The following HEATR5B variants were observed in gnomAD, a reference collection of about 807,000 sequenced individuals.
HEATR5B encodes the protein HEAT repeat-containing protein 5B.
A neutral mutation model predicts 224.1 loss-of-function variants in HEATR5B; 156 were observed. The ratio of observed to expected loss-of-function variants is 0.70; its 90% CI spans 0.61 to 0.80. HEATR5B has a LOEUF of 0.80. Among genes scored for constraint, HEATR5B ranks in the 30% least tolerant of loss-of-function variants. HEATR5B has a pLI of 0.00. For synonymous variants in HEATR5B, 1,027 were observed against 893.0 expected, an observed-to-expected ratio of 1.15 and a Z score of -2.68; for missense variants, 2,323 against 2,535.5, an observed-to-expected ratio of 0.92 and a Z score of 1.80.
intron 31 of HEATR5B, among the ~76,000 whole-genome samples, chr2:37,002,907 C>T (rs1398612833): frequency 6.6e-6 from 1 of 152,082 alleles, no homozygotes; most frequent in Non-Finnish European, 1.5e-5. Flanking sequence ...TTGGTCCTTT[C>T]TAATGAAAAT....
Position 36,990,528 on chromosome 2 carries a change from A to C in HEATR5B, c.5697+120T>G, listed in dbSNP as rs1666258178. 5 of 875,954 alleles carry C rather than the reference A, an allele frequency of 5.7e-6. 1 individual carries two copies. In the South Asian group the frequency reaches 1.1e-4, roughly 20 times the overall value. The allele number at this position is 875,954 out of a possible 1,614,324, so 54.3% of individuals were successfully genotyped here. A position where few individuals can be genotyped will look rare whatever the true frequency, so the allele number is the denominator to read the frequency against. On this transcript the variant is annotated intron_variant, in intron 34 of 35. Coordinates refer to ENST00000233099, the MANE Select transcript of HEATR5B (RefSeq NM_019024.3). ...GTGATTTGTTTCAGTTTTTCCATTTAAAAGCCATAGTGCAAATACTTAGCT... is the reference window on the plus strand; with the variant it reads ...GTGATTTGTTTCAGTTTTTCCATTTCAAAGCCATAGTGCAAATACTTAGCT...
chr2:36,986,517 C>A (rs1311435832), intron 35 of HEATR5B, among the ~76,000 whole-genome samples: 17 of 152,108 alleles, frequency 1.1e-4, no homozygotes, highest in Admixed American at 1.0e-3. Flanking sequence ...TTCCAATTTT[C>A]TGTGAAATGT....
At position 36,981,996 on chromosome 2, in the gene HEATR5B, ATTTTACATT is replaced by A. The variant is rs1665613796; in HGVS notation, c.5912-211_5912-203del. On this transcript the variant is annotated intron_variant, in intron 35 of 35. Coordinates refer to ENST00000233099, the MANE Select transcript of HEATR5B (RefSeq NM_019024.3). ...GAAACCAGGTTTGTTAATATTGTAT[ATTTTACATT>A]TATATTAATTTGCTTTACTTAAAAA... Among the ~76,000 whole-genome samples, 3 of 151,674 alleles carry A rather than the reference ATTTTACATT, an allele frequency of 2.0e-5. No homozygotes were observed. The South Asian group carries it at 6.3e-4, about 32-fold the overall frequency.
Position 37,028,007 on chromosome 2 carries a change from G to A in HEATR5B, c.3769C>T (p.Arg1257Ter), listed in dbSNP as rs1668888280. The A allele has an allele frequency of 1.2e-5, 20 of 1,614,094 alleles. No individual in the cohort carries two copies. Among genetic ancestry groups the A allele is most frequent in the Non-Finnish European group, 1.7e-5 (20 of 1,179,974 alleles). Reference protein sequence around the residue: ...TRVFAADCLCRIINLCENADQ... With the variant: ...TRVFAADCLC Reference sequence around the variant, plus strand: ...GCATTCTCACACAAATTGATGATTCGACACAGGCAATCGGCAGCAAATACT... The same window carrying A: ...GCATTCTCACACAAATTGATGATTCAACACAGGCAATCGGCAGCAAATACT... The change falls in exon 24 of 36, where the codon CGA becomes TGA. Residue 1257 changes from arginine (R) to a stop codon, truncating the protein, a stop_gained. Coordinates refer to ENST00000233099, the MANE Select transcript of HEATR5B (RefSeq NM_019024.3). LOFTEE classifies it high-confidence loss of function.
Position 37,019,858 on chromosome 2 carries a change from G to C in HEATR5B, c.4055C>G (p.Pro1352Arg). Reference protein sequence around the residue: ...YQANVGAALRPAFSQDTPSDI... With the variant: ...YQANVGAALRRAFSQDTPSDI... Reference sequence around the variant, plus strand: ...TGATGGTGTATCTTGTGAAAAGGCTGGTCTTAGAGCAGCTCCCACCTAGAA... The same window carrying C: ...TGATGGTGTATCTTGTGAAAAGGCTCGTCTTAGAGCAGCTCCCACCTAGAA... Residue 1352 changes from proline to arginine, a missense_variant, in exon 26 of 36, where the codon CCA becomes CGA. Physicochemically the swap from Pro to Arg is moderately radical, Grantham distance 103. Coordinates refer to ENST00000233099, the MANE Select transcript of HEATR5B (RefSeq NM_019024.3). The C allele has an allele frequency of 6.2e-7, 1 of 1,608,238 alleles. No homozygotes were observed. The highest frequency in any genetic ancestry group is 8.5e-7 in the Non-Finnish European group (1 of 1,177,362).
intron 21 of HEATR5B, among the ~76,000 whole-genome samples, chr2:37,033,461 TGTA>T (rs1669267553): frequency 6.6e-6 from 1 of 152,128 alleles, no homozygotes; most frequent in Admixed American, 6.6e-5. Context: ...AGAGATCAAA[TGTA>T]GTGAATGAAA....
intron 18 of HEATR5B, among the ~76,000 whole-genome samples, chr2:37,044,298 C>T (rs1670053099): frequency 6.6e-6 from 1 of 152,160 alleles, no homozygotes; most frequent in Admixed American, 6.5e-5. Context: ...AACATCCTGG[C>T]AACCACTGAG....
At chr2:36,992,712 T>A (rs1666413538) in intron 33 of HEATR5B, among the ~76,000 whole-genome samples, 1 of 152,194 alleles carries the variant, frequency 6.6e-6, no homozygotes, top group Non-Finnish European at 1.5e-5. Flanking sequence ...TTATCAAAAA[T>A]TATTTTATAT....
intron 4 of HEATR5B, 58 bp downstream of exon 4, chr2:37,076,853 C>T: frequency 1.6e-6 from 2 of 1,265,144 alleles, no homozygotes; most frequent in Non-Finnish European, 2.3e-6. Context: ...CATATTTTAG[C>T]TGACATCTAA....
Position 37,027,989 on chromosome 2 carries a change from C to T in HEATR5B, c.3787G>A (p.Glu1263Lys). The T allele has an allele frequency of 6.2e-7, 1 of 1,614,170 alleles. No homozygotes were observed. Among genetic ancestry groups the T allele is most frequent in the South Asian group, 1.1e-5 (1 of 91,082 alleles). ...DCLCRIINLCENADQAHFDLA... is the reference protein window; with the variant it reads ...DCLCRIINLCKNADQAHFDLA... ...TCAAAGTGAGCCTGGTCTGCATTCT[C>T]ACACAAATTGATGATTCGACACAGG... The change falls in exon 24 of 36, where the codon GAG becomes AAG. Residue 1263 changes from glutamate to lysine, a missense_variant. Glu to Lys is a moderately conservative substitution (Grantham distance 56). Coordinates refer to ENST00000233099, the MANE Select transcript of HEATR5B (RefSeq NM_019024.3).
chr2:37,083,506 T>C (rs373374447), intron 1 of HEATR5B, 70 bp from the exon 2 acceptor site: 2 of 1,149,684 alleles, frequency 1.7e-6, no homozygotes, highest in East Asian at 4.9e-5. Flanking sequence ...TAATGGAATA[T>C]ACTCACTAAG....
rs111822974 is a variant in HEATR5B at position 36,983,440 on chromosome 2, G to A, written c.5912-1646C>T. On this transcript the variant is annotated intron_variant, in intron 35 of 35. Transcript: ENST00000233099. The stretch of plus-strand genomic sequence containing the variant: ...TGTAATCCCAGCTACTAGGGAGACT[G>A]AGGCAGGAGAATCGCTTGAATCTGG... Among the ~76,000 whole-genome samples the A allele has an allele frequency of 4.3e-3, 652 of 152,322 alleles. 4 individuals carry two copies. Among genetic ancestry groups the A allele is most frequent in the Non-Finnish European group, 7.5e-3 (510 of 68,026 alleles).
intron 20 of HEATR5B, among the ~76,000 whole-genome samples, chr2:37,039,172 A>G (rs1419976023): frequency 2.1e-4 from 29 of 137,502 alleles, no homozygotes; most frequent in Admixed American, 1.5e-3. Context: ...TTAAAAAGAG[A>G]AAAAAAAAAA....
intron 35 of HEATR5B, among the ~76,000 whole-genome samples, chr2:36,988,019 C>T (rs766715507): frequency 6.6e-6 from 1 of 151,698 alleles, no homozygotes; most frequent in Non-Finnish European, 1.5e-5. Context: ...TTGCAGTGAG[C>T]CAAGATGGTG....
chr2:36,999,943 C>T (rs780047869), intron 33 of HEATR5B, among the ~76,000 whole-genome samples: 11 of 151,596 alleles, frequency 7.3e-5, no homozygotes, highest in South Asian at 2.1e-4. Context: ...ACCCGGGAGG[C>T]GGAGGTTGCA....
At chr2:37,048,488 G>T (rs1230012804) in intron 18 of HEATR5B, among the ~76,000 whole-genome samples, 1 of 150,962 alleles carries the variant, frequency 6.6e-6, no homozygotes, top group Non-Finnish European at 1.5e-5. Flanking sequence ...CCCAGCCAAG[G>T]ACACATAAAC....
At position 37,007,218 on chromosome 2, in the gene HEATR5B, G is replaced by A. The variant is rs1443759170; in HGVS notation, c.4609C>T (p.Leu1537Phe). The A allele has an allele frequency of 6.2e-7, 1 of 1,613,998 alleles. No homozygotes were observed. Among genetic ancestry groups the A allele is most frequent in the Non-Finnish European group, 8.5e-7 (1 of 1,180,004 alleles). The stretch of plus-strand genomic sequence containing the variant: ...GTAAATCCTGTGCTATTTAACCAAA[G>A]TGCCACCGCATGGAGAATTGGGGCC... ...SWAPILHAVALWLNSTGFTCS... is the reference protein window; with the variant it reads ...SWAPILHAVAFWLNSTGFTCS... The change falls in exon 29 of 36, where the codon CTT becomes TTT. Residue 1537 changes from leucine (L) to phenylalanine (F), a missense_variant. Transcript: ENST00000233099.
intron 26 of HEATR5B, among the ~76,000 whole-genome samples, chr2:37,014,542 G>A (rs1667994304): frequency 6.6e-6 from 1 of 152,010 alleles, no homozygotes; most frequent in Non-Finnish European, 1.5e-5. Flanking sequence ...TACTTAACAT[G>A]TTTCCACCGT....
intron 34 of HEATR5B, 122 bp from the exon 35 acceptor site, chr2:36,988,981 T>A: frequency 1.4e-6 from 1 of 690,166 alleles, no homozygotes; most frequent in Non-Finnish European, 2.4e-6. Flanking sequence ...GGAAATTACA[T>A]TTTCTACTTA....
Sources: gnomAD v4.1 joint callset for allele counts (sites outside exome capture counted in the v4.1 genomes callset) on GRCh38, gnomAD v4.1.1 for gene constraint, MANE v1.5 for transcripts, NCBI Gene and HGNC (gene_info 2026-07-23, HGNC 2026-07-21) for gene names.